Variants in RALYL observed in about 807,000 individuals in gnomAD.
RALYL encodes the protein RALY RNA binding protein like, also known as RNA-binding Raly-like protein.
In RALYL, 29 loss-of-function variants were observed where a neutral mutation model predicts 35.1. That is an observed-to-expected ratio of 0.83 (90% CI 0.61 to 1.13). The LOEUF (loss-of-function observed/expected upper bound fraction) is 1.13, where lower values mean the gene tolerates loss of function less well. Ranked by LOEUF, RALYL falls within the 50% of genes most tolerant of loss-of-function variation. RALYL has a pLI of 0.00. For missense variants in RALYL, 359 were observed against 360.4 expected, an observed-to-expected ratio of 1.00 and a Z score of 0.03; for synonymous variants, 120 against 127.6, an observed-to-expected ratio of 0.94 and a Z score of 0.40.
intron 5 of RALYL, among the ~76,000 whole-genome samples, chr8:84,856,508 G>A (rs1305103495): frequency 1.3e-5 from 2 of 152,168 alleles, no homozygotes; most frequent in Non-Finnish European, 2.9e-5. Flanking sequence ...ATTTCCGTGT[G>A]ATCCAAGGAG....
intron 1 of RALYL, among the ~76,000 whole-genome samples, chr8:84,525,977 A>G (rs1263294473): frequency 7.7e-4 from 48 of 62,582 alleles, no homozygotes; most frequent in African/African-American, 3.1e-3. Context: ...TTTTTTTTTG[A>G]GACAGAGCCT....
intron 6 of RALYL, among the ~76,000 whole-genome samples, chr8:84,871,104 T>C (rs1263824134): frequency 6.6e-6 from 1 of 152,158 alleles, no homozygotes; most frequent in East Asian, 1.9e-4. Context: ...CCGTGTTACA[T>C]TTCAACATTG....
At chr8:84,379,085 T>C (rs1299465872) in intron 1 of RALYL, among the ~76,000 whole-genome samples, 8 of 151,918 alleles carry the variant, frequency 5.3e-5, no homozygotes, top group African/African-American at 1.9e-4. Context: ...ACTACTTCCT[T>C]ATTTAGATCA....
intron 8 of RALYL, among the ~76,000 whole-genome samples, chr8:84,904,632 A>T (rs942650697): frequency 1.3e-5 from 2 of 151,218 alleles, no homozygotes; most frequent in East Asian, 1.9e-4. Flanking sequence ...CGGGTTGTCT[A>T]GTGATTGTAG....
At chr8:84,349,819 A>G (rs893758476) in intron 1 of RALYL, among the ~76,000 whole-genome samples, 1 of 150,176 alleles carries the variant, frequency 6.7e-6, no homozygotes, top group African/African-American at 2.5e-5. Context: ...CTACCATGCA[A>G]TGAGATGGAG....
At chr8:84,189,638 A>C (rs916184026) in intron 1 of RALYL, among the ~76,000 whole-genome samples, 2 of 151,732 alleles carry the variant, frequency 1.3e-5, no homozygotes, top group Admixed American at 6.6e-5. Context: ...GGTAAAGGGA[A>C]ATTTGACATG....
intron 2 of RALYL, among the ~76,000 whole-genome samples, chr8:84,720,154 T>G (rs577160371): frequency 6.6e-6 from 1 of 152,010 alleles, no homozygotes; most frequent in East Asian, 1.9e-4. Flanking sequence ...AGAAAAAAAC[T>G]CATCTTAAAA....
At chr8:84,195,188 T>G (rs1814937967) in intron 1 of RALYL, among the ~76,000 whole-genome samples, 1 of 152,168 alleles carries the variant, frequency 6.6e-6, no homozygotes, top group African/African-American at 2.4e-5. Flanking sequence ...AACAATTGTT[T>G]GTATATTTAG....
At chr8:84,752,468 C>T (rs1047195591) in intron 2 of RALYL, among the ~76,000 whole-genome samples, 17 of 152,160 alleles carry the variant, frequency 1.1e-4, no homozygotes, top group Non-Finnish European at 2.9e-5. Context: ...GGAATTCAAG[C>T]AGGCTGCAGA....
intron 1 of RALYL, among the ~76,000 whole-genome samples, chr8:84,503,320 A>ATTT (rs551446229): frequency 8.1e-5 from 11 of 135,076 alleles, no homozygotes; most frequent in African/African-American, 2.7e-4. Flanking sequence ...TGCCTGGCTA[A>ATTT]TTTTTTTTTT....
Position 84,902,302 on chromosome 8 carries a change from A to G in RALYL, c.858+14526A>G, listed in dbSNP as rs538492305. On this transcript the variant is annotated intron_variant, in intron 8 of 8. Coordinates refer to ENST00000521268, the MANE Select transcript of RALYL (RefSeq NM_173848.7). ...CAAGAGAGAAAGCTAGGTGCCACAC[A>G]CTTTCAAACAGACAGATCTCACAAG... 1.1e-4 allele frequency among the ~76,000 whole-genome samples: 17 copies of G among 152,220 alleles called. No homozygotes were observed. In the South Asian group the frequency reaches 3.1e-3, roughly 28 times the overall value.
intron 1 of RALYL, among the ~76,000 whole-genome samples, chr8:84,351,187 T>G (rs1185123013): frequency 6.7e-6 from 1 of 150,096 alleles, no homozygotes; most frequent in Non-Finnish European, 1.5e-5. Context: ...AAATAATAAC[T>G]TAATGTCATC....
chr8:84,566,151 T>A (rs1019773174), intron 2 of RALYL, among the ~76,000 whole-genome samples: 3 of 151,524 alleles, frequency 2.0e-5, no homozygotes, highest in African/African-American at 7.3e-5. Context: ...AGAATGATGA[T>A]CTTGAATTGC....
At chr8:84,897,700 T>G (rs1357723023) in intron 8 of RALYL, among the ~76,000 whole-genome samples, 1 of 152,218 alleles carries the variant, frequency 6.6e-6, no homozygotes, top group African/African-American at 2.4e-5. Context: ...ATATCACATT[T>G]TCTTTAGTCA....
intron 2 of RALYL, among the ~76,000 whole-genome samples, chr8:84,605,990 C>T (rs1817049479): frequency 6.6e-6 from 1 of 152,084 alleles, no homozygotes; most frequent in Non-Finnish European, 1.5e-5. Context: ...TACAAACAGC[C>T]ACACACTTGG....
At chr8:84,636,360 A>G (rs1297586512) in intron 2 of RALYL, among the ~76,000 whole-genome samples, 1 of 151,864 alleles carries the variant, frequency 6.6e-6, no homozygotes, top group Non-Finnish European at 1.5e-5. Context: ...GGTAAATACA[A>G]GCAAGTTGCT....
chr8:84,593,838 T>A lies in RALYL; in HGVS notation c.256+64261T>A, dbSNP rs537497705. On this transcript the variant is annotated intron_variant, in intron 2 of 8. Transcript: ENST00000521268. ...GTGAACAATTACCTCCATAACTGCC[T>A]AAACTCAGGTCTAGTCTCTCTTTTG... Among the ~76,000 whole-genome samples the A allele has an allele frequency of 1.8e-4, 27 of 152,196 alleles. No individual in the cohort carries two copies. In the South Asian group the frequency reaches 5.6e-3, roughly 32 times the overall value.
At position 84,902,838 on chromosome 8, in the gene RALYL, A is replaced by G. The variant is rs187105912; in HGVS notation, c.858+15062A>G. ...GATCATGTTTATGAAAATCCCTGCT[A>G]TGGGATTTTGTATGTCAAACTTAAT... On this transcript the variant is annotated intron_variant, in intron 8 of 8. Coordinates refer to ENST00000521268, the MANE Select transcript of RALYL (RefSeq NM_173848.7). Among the ~76,000 whole-genome samples, 322 of 152,298 alleles carry G rather than the reference A, an allele frequency of 2.1e-3. 1 individual carries two copies. Among genetic ancestry groups the G allele is most frequent in the Non-Finnish European group, 3.1e-3 (213 of 68,010 alleles).
intron 1 of RALYL, among the ~76,000 whole-genome samples, chr8:84,372,984 G>A (rs73298713): frequency 0.033 from 4,365 of 133,232 alleles, 211 homozygotes; most frequent in African/African-American, 0.11. Context: ...TTGTATTTCC[G>A]TACTGATCAG....
Sources: allele counts gnomAD v4.1 joint callset (sites outside exome capture counted in the v4.1 genomes callset), GRCh38; gene constraint gnomAD v4.1.1; transcripts MANE v1.5; gene names NCBI Gene and HGNC (gene_info 2026-07-23, HGNC 2026-07-21).